Variants in ST7 observed in about 807,000 individuals in gnomAD.
ST7 encodes the protein suppression of tumorigenicity 7.
Under a neutral mutation model 78.7 loss-of-function variants are expected in ST7, and 28 were observed. The ratio of observed to expected loss-of-function variants is 0.36; its 90% CI spans 0.26 to 0.49. ST7 has a LOEUF of 0.49. ST7 is among the 20% of genes least tolerant of loss of function. ST7 has a pLI of 0.99. For synonymous variants in ST7, 247 were observed against 249.6 expected, an observed-to-expected ratio of 0.99 and a Z score of 0.10; for missense variants, 418 against 696.0, an observed-to-expected ratio of 0.60 and a Z score of 4.49.
At chr7:117,012,088 T>C (rs1315959937) in intron 1 of ST7, among the ~76,000 whole-genome samples, 1 of 152,220 alleles carries the variant, frequency 6.6e-6, no homozygotes, top group East Asian at 1.9e-4. Flanking sequence ...TTATTTCTGC[T>C]TTACTGGCTA....
chr7:117,192,755 G>A (rs1039185122), intron 12 of ST7, among the ~76,000 whole-genome samples: 9 of 152,020 alleles, frequency 5.9e-5, no homozygotes, highest in Non-Finnish European at 2.9e-5. Flanking sequence ...TAAAACACTG[G>A]TCTGAAATGG....
intron 2 of ST7, among the ~76,000 whole-genome samples, chr7:117,109,129 AGTACTATGTTGAATAGAAGTGGTGAAAGT>A (rs1802213483): frequency 6.6e-6 from 1 of 152,156 alleles, no homozygotes; most frequent in African/African-American, 2.4e-5. Context: ...TAGGATTTCC[AGTACTATGTTGAATAGAAGTGGTGAAAGT>A]GGGCATCCTT....
At chr7:117,152,042 C>T (rs910308813) in intron 9 of ST7, among the ~76,000 whole-genome samples, 1 of 150,402 alleles carries the variant, frequency 6.6e-6, no homozygotes. Flanking sequence ...TCGCTTGAAC[C>T]GGGGAGGCAG....
intron 1 of ST7, among the ~76,000 whole-genome samples, chr7:117,082,285 A>G (rs1314285473): frequency 6.6e-6 from 1 of 152,210 alleles, no homozygotes; most frequent in African/African-American, 2.4e-5. Context: ...TTCAATGCTC[A>G]TATAGAAACA....
At chr7:117,204,871 T>C (rs996753097) in intron 12 of ST7, among the ~76,000 whole-genome samples, 1 of 152,218 alleles carries the variant, frequency 6.6e-6, no homozygotes, top group Non-Finnish European at 1.5e-5. Flanking sequence ...GTATTACATA[T>C]ATACTTACAT....
intron 1 of ST7, among the ~76,000 whole-genome samples, chr7:117,054,662 T>G (rs1333066864): frequency 2.0e-5 from 3 of 152,236 alleles, no homozygotes; most frequent in Non-Finnish European, 2.9e-5. Flanking sequence ...TTTGGTAATA[T>G]GACAAATATG....
intron 1 of ST7, among the ~76,000 whole-genome samples, chr7:117,068,437 G>T (rs938160874): frequency 1.3e-5 from 2 of 152,082 alleles, no homozygotes; most frequent in African/African-American, 4.8e-5. Context: ...TTCATCCTAC[G>T]TTTTTCTACT....
chr7:116,960,483 A>G (rs970930388), intron 1 of ST7, among the ~76,000 whole-genome samples: 8 of 152,156 alleles, frequency 5.3e-5, no homozygotes, highest in Admixed American at 1.3e-4. Context: ...GCCACTGCAG[A>G]CACATAAAAT....
chr7:117,117,197 A>G (rs1437892395), intron 2 of ST7, among the ~76,000 whole-genome samples: 1 of 152,192 alleles, frequency 6.6e-6, no homozygotes, highest in East Asian at 1.9e-4. Flanking sequence ...TAGTCCTTTA[A>G]GGTCCTTTTT....
chr7:117,062,312 A>G (rs547384757), intron 1 of ST7, among the ~76,000 whole-genome samples: 4 of 152,314 alleles, frequency 2.6e-5, no homozygotes, highest in Non-Finnish European at 4.4e-5. Context: ...GAGGAATGCA[A>G]TTCAGTCCAT....
chr7:117,157,743 A>T (rs1806811385), intron 9 of ST7, among the ~76,000 whole-genome samples: 2 of 152,058 alleles, frequency 1.3e-5, no homozygotes, highest in South Asian at 4.2e-4. Flanking sequence ...TGTTGAGGCC[A>T]CTCTTGGCAC....
chr7:117,165,952 C>G (rs150174607), intron 9 of ST7, among the ~76,000 whole-genome samples: 468 of 152,200 alleles, frequency 3.1e-3, no homozygotes, highest in Non-Finnish European at 4.1e-3. Flanking sequence ...TAGACAGGGA[C>G]TTGTCACAAG....
chr7:117,069,335 A>G (rs550821185), intron 1 of ST7, among the ~76,000 whole-genome samples: 68 of 152,202 alleles, frequency 4.5e-4, no homozygotes, highest in Non-Finnish European at 7.6e-4. Flanking sequence ...TTTTATTATA[A>G]TATGATTAGA....
At chr7:117,016,345 A>G (rs957509425) in intron 1 of ST7, among the ~76,000 whole-genome samples, 9 of 152,306 alleles carry the variant, frequency 5.9e-5, no homozygotes, top group Middle Eastern at 3.4e-3. Flanking sequence ...CATTTTAGCC[A>G]TATGCAGAGA....
At chr7:117,037,604 G>A (rs1373907661) in intron 1 of ST7, among the ~76,000 whole-genome samples, 1 of 152,178 alleles carries the variant, frequency 6.6e-6, no homozygotes, top group Non-Finnish European at 1.5e-5. Context: ...AGCACATTGT[G>A]TTGCACATAA....
At chr7:117,145,427 C>A (rs1397634684) in intron 9 of ST7, 2 of 152,158 alleles carry the variant, frequency 1.3e-5, no homozygotes, top group African/African-American at 4.8e-5. Context: ...AAGAACAAGG[C>A]AGGTGGCAGA....
At chr7:117,222,100 T>C in intron 15 of ST7, 38 bp downstream of exon 15, 1 of 1,577,076 alleles carries the variant, frequency 6.3e-7, no homozygotes, top group Non-Finnish European at 8.6e-7. Context: ...GGGGAATGGA[T>C]GGGGAAAGCC....
At chr7:116,955,368 T>C (rs1273479889) in intron 1 of ST7, among the ~76,000 whole-genome samples, 1 of 152,202 alleles carries the variant, frequency 6.6e-6, no homozygotes, top group African/African-American at 2.4e-5. Context: ...GGGACTGGCA[T>C]GTGGGGAGGT....
intron 9 of ST7, among the ~76,000 whole-genome samples, chr7:117,165,842 G>A (rs1396814037): frequency 1.3e-5 from 2 of 152,188 alleles, no homozygotes; most frequent in South Asian, 2.1e-4. Flanking sequence ...GGGAGGAGGA[G>A]CTTGGAACAT....
Sources: allele counts gnomAD v4.1 joint callset (sites outside exome capture counted in the v4.1 genomes callset), GRCh38; gene constraint gnomAD v4.1.1; transcripts MANE v1.5; gene names NCBI Gene and HGNC (gene_info 2026-07-23, HGNC 2026-07-21).